NOX5: variants seen among roughly 807,000 people sequenced by gnomAD.
NOX5 encodes the protein NADPH oxidase 5.
A neutral mutation model predicts 85.7 loss-of-function variants in NOX5; 76 were observed. The ratio of observed to expected loss-of-function variants is 0.89; its 90% CI spans 0.74 to 1.07. NOX5 has a LOEUF of 1.07. Ranked by LOEUF, NOX5 falls within the 50% of genes least tolerant of loss-of-function variation. The pLI is 0.00. For synonymous variants in NOX5, 405 were observed against 401.4 expected, an observed-to-expected ratio of 1.01 and a Z score of -0.11; for missense variants, 973 against 999.5, an observed-to-expected ratio of 0.97 and a Z score of 0.36.
chr15:69,035,633 A>T (rs1235477911), intron 6 of NOX5, 125 bp from the exon 7 acceptor site: 10 of 1,553,850 alleles, frequency 6.4e-6, no homozygotes, highest in Non-Finnish European at 7.8e-6. Context: ...TGGATAAGCC[A>T]ACGCTCTGGA....
rs1454706940 is a variant in NOX5 at position 69,026,790 on chromosome 15, T to A, written c.174+139T>A. 11 of 1,123,132 alleles carry A rather than the reference T, an allele frequency of 9.8e-6. No individual in the cohort carries two copies. In the South Asian group the frequency reaches 1.5e-4, roughly 15 times the overall value. The allele number at this position is 1,123,132 out of a possible 1,614,324, so 69.6% of individuals were successfully genotyped here. A position where few individuals can be genotyped will look rare whatever the true frequency, so the allele number is the denominator to read the frequency against. ...CCTTGTAGCGGGCTGGCGGGATGTT[T>A]ATGGCACCCTCCCATTCCTCTTAAT... is the stretch of plus-strand genomic sequence containing the variant. On this transcript the variant is annotated intron_variant, in intron 2 of 15. Coordinates refer to ENST00000388866, the MANE Select transcript of NOX5 (RefSeq NM_024505.4).
intron 1 of NOX5, 135 bp from the exon 2 acceptor site, chr15:69,026,393 G>C: frequency 2.9e-6 from 3 of 1,048,108 alleles, no homozygotes; most frequent in Non-Finnish European, 4.2e-6. Context: ...TCCACAGCCA[G>C]AACTGATTGA....
At position 69,056,417 on chromosome 15, in the gene NOX5, G is replaced by T. The variant is rs1048309487; in HGVS notation, c.2167-148G>T. 4.0e-6 allele frequency: 4 copies of T among 1,002,874 alleles called. No individual in the cohort carries two copies. The African/African-American group carries it at 6.5e-5, about 16-fold the overall frequency. 62.1% of individuals were successfully genotyped at this position (1,002,874 alleles called of 1,614,324 possible). ...GTGTTGAACTCTGCTGTAAAACCCA[G>T]CAGCTGTGCCATGCAGCTCCCTGTG... On this transcript the variant is annotated intron_variant, in intron 15 of 15. Coordinates refer to ENST00000388866, the MANE Select transcript of NOX5 (RefSeq NM_024505.4).
intron 2 of NOX5, among the ~76,000 whole-genome samples, chr15:69,027,141 T>C (rs1404594530): frequency 6.6e-6 from 1 of 152,130 alleles, no homozygotes; most frequent in Non-Finnish European, 1.5e-5. Flanking sequence ...TCCTTGGGAC[T>C]GGCATTGAAT....
At chr15:69,022,558 G>A in intron 1 of NOX5, 1 of 167,848 alleles carries the variant, frequency 6.0e-6, no homozygotes, top group Non-Finnish European at 1.3e-5. Context: ...ACCTCAACCT[G>A]CCAATTTCAA....
intron 15 of NOX5, among the ~76,000 whole-genome samples, chr15:69,056,091 A>C (rs2050808867): frequency 6.6e-6 from 1 of 152,120 alleles, no homozygotes; most frequent in South Asian, 2.1e-4. Context: ...AGAAAAAGGC[A>C]ATTCATAAGC....
At position 69,033,149 on chromosome 15, in the gene NOX5, G is replaced by A. The variant is rs1422154741; in HGVS notation, c.727G>A (p.Ala243Thr). The A allele has an allele frequency of 6.3e-7, 1 of 1,575,518 alleles. No homozygotes were observed. The highest frequency in any genetic ancestry group is 1.1e-5 in the South Asian group (1 of 87,462). The change falls in exon 5 of 16, where the codon GCC becomes ACC. Residue 243 changes from alanine (A) to threonine (T), a missense_variant. Coordinates refer to ENST00000388866, the MANE Select transcript of NOX5 (RefSeq NM_024505.4). ...CCACCGCAGCCAGCTGTTCTGCCTG[G>A]CCACCTATGCAGGCCTCCACGTGCT... ...HNHRSQLFCL[A>T]TYAGLHVLLF... is the part of the protein sequence containing the mutation.
At position 69,059,365 on chromosome 15, in the gene NOX5, C is replaced by G. The variant is rs1384302740; in HGVS notation, c.*2669C>G. The stretch of plus-strand genomic sequence containing the variant: ...AGGGAAAGGGGCTGGGAAGACAACG[C>G]CCTGTTCCAAAGCTCCCCACTAGAG... On this transcript the variant is annotated 3_prime_UTR_variant, in exon 16 of 16. Coordinates refer to ENST00000388866, the MANE Select transcript of NOX5 (RefSeq NM_024505.4). 6.6e-6 allele frequency: 1 copy of G among 152,148 alleles called. No homozygotes were observed. The highest frequency in any genetic ancestry group is 2.4e-5 in the African/African-American group (1 of 41,414). The allele number at this position is 152,148 out of a possible 1,614,324, so 9.4% of individuals were successfully genotyped here. A position where few individuals can be genotyped will look rare whatever the true frequency, so the allele number is the denominator to read the frequency against.
intron 7 of NOX5, among the ~76,000 whole-genome samples, chr15:69,036,736 C>T (rs545475722): frequency 7.0e-4 from 107 of 152,134 alleles, no homozygotes; most frequent in Non-Finnish European, 1.4e-3. Context: ...TCGGGGGTAG[C>T]GATACTGATG....
chr15:69,045,643 C>T (rs2050663866), intron 10 of NOX5, among the ~76,000 whole-genome samples: 3 of 137,380 alleles, frequency 2.2e-5, no homozygotes. Flanking sequence ...CCTTCTCTCT[C>T]TCCCCCTCCC....
At chr15:69,045,582 T>TTTCTTCCC (rs1567105245) in intron 10 of NOX5, among the ~76,000 whole-genome samples, 49 of 44,280 alleles carry the variant, frequency 1.1e-3, no homozygotes, top group African/African-American at 5.6e-3. Context: ...CCTTTCTTTC[T>TTTCTTCCC]TTTCTTTCTT....
chr15:69,037,378 C>T (rs1420850801), intron 8 of NOX5, among the ~76,000 whole-genome samples, 168 bp downstream of exon 8: 1 of 152,196 alleles, frequency 6.6e-6, no homozygotes, highest in African/African-American at 2.4e-5. Context: ...CAGTCCAGCC[C>T]TCCAGGAGGG....
At chr15:69,021,308 C>T (rs1397080990) in intron 1 of NOX5, among the ~76,000 whole-genome samples, 2 of 151,118 alleles carry the variant, frequency 1.3e-5, no homozygotes, top group African/African-American at 2.4e-5. Flanking sequence ...CTGGCCCTGA[C>T]ATTATTTTCA....
At chr15:69,055,117 T>G (rs1475720676) in intron 14 of NOX5, among the ~76,000 whole-genome samples, 1 of 152,144 alleles carries the variant, frequency 6.6e-6, no homozygotes, top group Non-Finnish European at 1.5e-5. Context: ...TTCACCTTAG[T>G]GCATATAAAG....
intron 1 of NOX5, among the ~76,000 whole-genome samples, chr15:69,025,135 T>G (rs2050340716): frequency 6.6e-6 from 1 of 152,216 alleles, no homozygotes; most frequent in African/African-American, 2.4e-5. Context: ...GGCACAATAT[T>G]TTTGTCAAAC....
At chr15:69,025,265 A>G (rs1178557576) in intron 1 of NOX5, among the ~76,000 whole-genome samples, 2 of 151,774 alleles carry the variant, frequency 1.3e-5, no homozygotes, top group African/African-American at 4.9e-5. Flanking sequence ...TCCTGAATGA[A>G]GCTTTCCTAA....
intron 15 of NOX5, 50 bp from the exon 16 acceptor site, chr15:69,056,515 G>A: frequency 6.3e-7 from 1 of 1,598,722 alleles, no homozygotes; most frequent in Non-Finnish European, 8.5e-7. Flanking sequence ...TGGTGAGTCA[G>A]CAGCTCCACC....
Position 69,061,292 on chromosome 15 carries a change from C to T in NOX5, c.*4596C>T, listed in dbSNP as rs1205479925. The T allele has an allele frequency of 6.6e-6, 1 of 152,216 alleles. No homozygotes were observed. Among genetic ancestry groups the T allele is most frequent in the Non-Finnish European group, 1.5e-5 (1 of 68,046 alleles). 9.4% of individuals were successfully genotyped at this position (152,216 alleles called of 1,614,324 possible). On this transcript the variant is annotated 3_prime_UTR_variant, in exon 16 of 16. Coordinates refer to ENST00000388866, the MANE Select transcript of NOX5 (RefSeq NM_024505.4). ...CGTGGGCTCTTCAATAAGGGAGGCT[C>T]CTATAGTGCCCATTATCAATATGCT...
chr15:69,050,720 C>T (rs1414001271), intron 14 of NOX5, among the ~76,000 whole-genome samples: 8 of 152,158 alleles, frequency 5.3e-5, no homozygotes, highest in Non-Finnish European at 8.8e-5. Context: ...TACTGCACTT[C>T]GTTCTGGTGC....
Sources: allele counts gnomAD v4.1 joint callset (sites outside exome capture counted in the v4.1 genomes callset), GRCh38; gene constraint gnomAD v4.1.1; transcripts MANE v1.5; gene names NCBI Gene and HGNC (gene_info 2026-07-23, HGNC 2026-07-21).